The following DCDC2 variants were observed in gnomAD, a reference collection of about 807,000 sequenced individuals.
DCDC2 encodes the protein doublecortin domain containing 2, also known as doublecortin domain-containing protein 2.
In DCDC2, 40 loss-of-function variants were observed where a neutral mutation model predicts 50.2. That is an observed-to-expected ratio of 0.80 (90% CI 0.62 to 1.04). The LOEUF is 1.04. DCDC2 is among the 50% of genes least tolerant of loss of function. The probability of loss-of-function intolerance (pLI) is 0.00; values close to 1 mark genes in which losing one functional copy is unlikely to be tolerated. For synonymous variants in DCDC2, 234 were observed against 210.6 expected (o/e 1.11, Z -0.96); for missense variants, 570 against 581.9 (o/e 0.98, Z 0.21).
chr6:24,258,635 G>C (rs1338292571), intron 7 of DCDC2, among the ~76,000 whole-genome samples: 9 of 152,172 alleles, frequency 5.9e-5, no homozygotes, highest in Non-Finnish European at 1.3e-4. Flanking sequence ...ACCTCAGAGA[G>C]CCAATCCTTC....
At chr6:24,312,973 ATG>A (rs1561770505) in intron 2 of DCDC2, among the ~76,000 whole-genome samples, 1 of 152,152 alleles carries the variant, frequency 6.6e-6, no homozygotes, top group Non-Finnish European at 1.5e-5. Context: ...TATTAAGTAA[ATG>A]TTTATATTCC....
At position 24,192,470 on chromosome 6, in the gene DCDC2, G is replaced by A. The variant is rs1364759792; in HGVS notation, c.1023+12532C>T. On this transcript the variant is annotated intron_variant, in intron 8 of 9. Coordinates refer to ENST00000378454, the MANE Select transcript of DCDC2 (RefSeq NM_016356.5). ...GAAACGACTCTGACATGGATACAGA[G>A]ATCAAAACATAGAGACAAAGAAAAC... Among the ~76,000 whole-genome samples, 9 of 151,830 alleles carry A rather than the reference G, an allele frequency of 5.9e-5. No homozygotes were observed. The East Asian group carries it at 1.5e-3, about 26-fold the overall frequency.
chr6:24,234,061 T>C (rs745787636), intron 7 of DCDC2, among the ~76,000 whole-genome samples: 6 of 149,600 alleles, frequency 4.0e-5, no homozygotes, highest in Non-Finnish European at 7.4e-5. Flanking sequence ...GACATAAAGA[T>C]AAACACTAAT....
At chr6:24,217,755 T>C (rs1762012711) in intron 7 of DCDC2, among the ~76,000 whole-genome samples, 1 of 152,206 alleles carries the variant, frequency 6.6e-6, no homozygotes, top group African/African-American at 2.4e-5. Context: ...TTATATTTGC[T>C]CCATAGTAAT....
the DCDC2 span, among the ~76,000 whole-genome samples, chr6:24,380,290 A>T: frequency 6.6e-6 from 1 of 152,192 alleles, no homozygotes; most frequent in Non-Finnish European, 1.5e-5. Flanking sequence ...TGCCAGAAGT[A>T]CCATTTCTAA....
At position 24,278,203 on chromosome 6, in the gene DCDC2, A is replaced by C; in HGVS notation, c.768T>G (p.Asp256Glu). The stretch of plus-strand genomic sequence containing the variant: ...ATCCAACTGTTGACTTAGAGTGGCG[A>C]TCATTTCCCTAAATGGCAAAGTATT... ...GSRKSKGSGN[D>E]RHSKSTVGSS... Residue 256 changes from aspartate to glutamate, a missense_variant, in exon 7 of 10, where the codon GAT (aspartate) becomes GAG (glutamate). By Grantham distance (45) the Asp-to-Glu change is conservative (BLOSUM62 2). Coordinates refer to ENST00000378454, the MANE Select transcript of DCDC2 (RefSeq NM_016356.5). 5 of 1,606,976 alleles carry C rather than the reference A, an allele frequency of 3.1e-6. No homozygotes were observed. Among genetic ancestry groups the C allele is most frequent in the Non-Finnish European group, 4.2e-6 (5 of 1,178,140 alleles).
chr6:24,205,410 A>G, intron 7 of DCDC2: 1 of 1,305,952 alleles, frequency 7.7e-7, no homozygotes, highest in Non-Finnish European at 1.0e-6. Context: ...GATGAGAAGA[A>G]ATTCACAAGT....
chr6:24,281,164 A>G (rs1431644158), intron 6 of DCDC2, among the ~76,000 whole-genome samples: 2 of 152,208 alleles, frequency 1.3e-5, no homozygotes, highest in Admixed American at 1.3e-4. Flanking sequence ...GTAATTTTGG[A>G]GTATCAAGAA....
upstream of DCDC2, among the ~76,000 whole-genome samples, chr6:24,358,879 TTATA>T (rs376083733): frequency 2.8e-4 from 15 of 52,688 alleles, 2 homozygotes; most frequent in South Asian, 7.6e-3. Context: ...TATATATGTA[TTATA>T]TATATTTATA....
At chr6:24,359,848 GCGCCGCCTGGCGGC>G (rs1482952728), upstream of DCDC2, among the ~76,000 whole-genome samples, 2 of 152,190 alleles carry the variant, frequency 1.3e-5, no homozygotes, top group African/African-American at 2.4e-5. Flanking sequence ...CCGATGATCA[GCGCCGCCTGGCGGC>G]GAAGCTCGGG....
intron 7 of DCDC2, among the ~76,000 whole-genome samples, chr6:24,261,589 G>A (rs954120892): frequency 1.3e-5 from 2 of 152,106 alleles, no homozygotes; most frequent in Non-Finnish European, 2.9e-5. Flanking sequence ...TGTTTCATGG[G>A]CTCTGAGAGG....
intron 7 of DCDC2, among the ~76,000 whole-genome samples, chr6:24,219,426 C>T (rs894194662): frequency 5.9e-5 from 9 of 152,276 alleles, no homozygotes; most frequent in Admixed American, 1.3e-4. Context: ...TCACAGGCAG[C>T]AAGTGGTAGA....
intron 2 of DCDC2, among the ~76,000 whole-genome samples, chr6:24,332,083 T>C (rs1759974947): frequency 6.6e-6 from 1 of 152,202 alleles, no homozygotes; most frequent in Non-Finnish European, 1.5e-5. Flanking sequence ...ATGCGGTAGC[T>C]ACATATCTAA....
intron 1 of DCDC2, among the ~76,000 whole-genome samples, chr6:24,354,510 AAT>A (rs1279069715): frequency 1.3e-4 from 20 of 152,218 alleles, no homozygotes; most frequent in African/African-American, 4.8e-4. Context: ...TTTTGGATAA[AAT>A]ACTTTAGTTA....
upstream of DCDC2, among the ~76,000 whole-genome samples, chr6:24,359,221 T>TA (rs1561789256): frequency 5.8e-5 from 4 of 68,800 alleles, no homozygotes; most frequent in African/African-American, 1.3e-4. Context: ...ATATTATATA[T>TA]TTTATATATT....
intron 7 of DCDC2, among the ~76,000 whole-genome samples, chr6:24,213,263 T>A (rs1211020235): frequency 3.9e-5 from 6 of 152,176 alleles, no homozygotes; most frequent in South Asian, 2.1e-4. Flanking sequence ...TTTATAAAAA[T>A]CTTAGTTATC....
chr6:24,225,830 T>A (rs79723135), intron 7 of DCDC2, among the ~76,000 whole-genome samples: 1 of 152,234 alleles, frequency 6.6e-6, no homozygotes, highest in Non-Finnish European at 1.5e-5. Flanking sequence ...CAAAAAATCA[T>A]AGCAACTGAT....
chr6:24,261,456 T>A (rs920868238), intron 7 of DCDC2, among the ~76,000 whole-genome samples: 2 of 151,918 alleles, frequency 1.3e-5, no homozygotes, highest in African/African-American at 4.8e-5. Context: ...TCAGCCTGAG[T>A]ATGGGATGGG....
chr6:24,359,003 T>TTTATACATTATATA (rs1760569979), upstream of DCDC2, among the ~76,000 whole-genome samples: 1 of 64,952 alleles, frequency 1.5e-5, no homozygotes, highest in African/African-American at 6.6e-5. Context: ...TATTATATAT[T>TTTATACATTATATA]TTATATATTA....
Sources: gnomAD v4.1 joint callset for allele counts (sites outside exome capture counted in the v4.1 genomes callset) on GRCh38, gnomAD v4.1.1 for gene constraint, MANE v1.5 for transcripts, NCBI Gene and HGNC (gene_info 2026-07-23, HGNC 2026-07-21) for gene names.